The following PDSS1 variants were observed in gnomAD, a reference collection of about 807,000 sequenced individuals.
The protein encoded by PDSS1 is all trans-polyprenyl-diphosphate synthase PDSS1.
PDSS1 carries 43 observed loss-of-function variants against 57.5 expected under a neutral mutation model. The ratio of observed to expected loss-of-function variants is 0.75; its 90% CI spans 0.59 to 0.96. The LOEUF is 0.96. Ranked by LOEUF, PDSS1 falls within the 50% of genes least tolerant of loss-of-function variation. The pLI is 0.00. For missense variants in PDSS1, 438 were observed against 527.8 expected, an observed-to-expected ratio of 0.83 and a Z score of 1.67; for synonymous variants, 175 against 191.3, an observed-to-expected ratio of 0.91 and a Z score of 0.70.
intron 5 of PDSS1, chr10:26,717,924 C>T (rs1055390019): frequency 5.3e-5 from 8 of 152,042 alleles, no homozygotes; most frequent in African/African-American, 1.9e-4. Flanking sequence ...AGTAAATTTA[C>T]CTGAAAAATA....
intron 8 of PDSS1, among the ~76,000 whole-genome samples, chr10:26,734,140 C>T (rs1836308192): frequency 6.6e-6 from 1 of 152,218 alleles, no homozygotes; most frequent in Non-Finnish European, 1.5e-5. Context: ...CAGTAACATG[C>T]CGAGGTCTTG....
intron 8 of PDSS1, among the ~76,000 whole-genome samples, chr10:26,726,882 C>T (rs1835967099): frequency 6.6e-6 from 1 of 151,950 alleles, no homozygotes; most frequent in Non-Finnish European, 1.5e-5. Flanking sequence ...GCCAACATGG[C>T]AAAACCCCGT....
intron 6 of PDSS1, among the ~76,000 whole-genome samples, chr10:26,721,684 G>C (rs1294163220): frequency 6.6e-6 from 1 of 152,210 alleles, no homozygotes; most frequent in Non-Finnish European, 1.5e-5. Flanking sequence ...CCTGCCGTCA[G>C]CTGTATCTGT....
chr10:26,716,228 C>A (rs1033245269), intron 5 of PDSS1, among the ~76,000 whole-genome samples: 1 of 152,114 alleles, frequency 6.6e-6, no homozygotes, highest in Non-Finnish European at 1.5e-5. Flanking sequence ...TGATACAGAT[C>A]CCTCCCTACA....
intron 11 of PDSS1, among the ~76,000 whole-genome samples, 160 bp from the exon 12 acceptor site, chr10:26,746,173 A>G (rs1037806925): frequency 1.4e-4 from 21 of 152,356 alleles, no homozygotes; most frequent in Non-Finnish European, 2.9e-4. Flanking sequence ...AGTTAGCACT[A>G]TGAGTCGGGA....
intron 11 of PDSS1, among the ~76,000 whole-genome samples, chr10:26,745,782 G>A (rs1016361459): frequency 6.6e-6 from 1 of 152,014 alleles, no homozygotes; most frequent in Non-Finnish European, 1.5e-5. Flanking sequence ...GGGAGGTGAA[G>A]GTTGCAGTGA....
chr10:26,732,928 C>T (rs1389165454), intron 8 of PDSS1, among the ~76,000 whole-genome samples: 3 of 152,010 alleles, frequency 2.0e-5, no homozygotes, highest in African/African-American at 7.2e-5. Flanking sequence ...CGAGACCAGC[C>T]TGAAACCCCG....
chr10:26,732,359 G>A (rs1836238305), intron 8 of PDSS1, among the ~76,000 whole-genome samples: 2 of 152,180 alleles, frequency 1.3e-5, no homozygotes, highest in African/African-American at 2.4e-5. Flanking sequence ...ATGTCCCTTC[G>A]CCATGTGTCA....
intron 3 of PDSS1, 50 bp from the exon 4 acceptor site, chr10:26,705,236 A>G (rs887698419): frequency 5.2e-6 from 5 of 970,014 alleles, no homozygotes; most frequent in South Asian, 3.9e-5. Context: ...ATATATATGT[A>G]TATAAAACTT....
rs1454008955 is a variant in PDSS1, at chr10:26,739,724, G to A, written c.1027-2773G>A. 2.6e-5 allele frequency among the ~76,000 whole-genome samples: 4 copies of A among 152,318 alleles called. No individual in the cohort carries two copies. The East Asian group carries it at 7.7e-4, about 29-fold the overall frequency. On this transcript the variant is annotated intron_variant, in intron 10 of 11. Transcript: ENST00000376215. ...TGGTATTAAAAAACTAAAACAGGCTGTGTGTAGTGGCTCACGTCCATAATC... is the reference window on the plus strand; with the variant it reads ...TGGTATTAAAAAACTAAAACAGGCTATGTGTAGTGGCTCACGTCCATAATC...
chr10:26,734,810 G>A (rs189640242), intron 8 of PDSS1: 1 of 455,916 alleles, frequency 2.2e-6, no homozygotes, highest in Admixed American at 2.4e-5. Context: ...TGAAATGAGG[G>A]ATACATTGAT....
At chr10:26,734,007 G>C (rs1836304324) in intron 8 of PDSS1, among the ~76,000 whole-genome samples, 1 of 152,174 alleles carries the variant, frequency 6.6e-6, no homozygotes, top group African/African-American at 2.4e-5. Context: ...CACACATTGA[G>C]TTCTAACCAG....
intron 5 of PDSS1, among the ~76,000 whole-genome samples, chr10:26,719,488 C>T (rs551115426): frequency 5.3e-5 from 8 of 152,318 alleles, no homozygotes; most frequent in Admixed American, 4.6e-4. Flanking sequence ...GACATTACTA[C>T]GCGGGGTGCG....
At chr10:26,703,873 A>C (rs1049276946) in intron 2 of PDSS1, among the ~76,000 whole-genome samples, 3 of 151,592 alleles carry the variant, frequency 2.0e-5, no homozygotes, top group African/African-American at 4.9e-5. Flanking sequence ...TGAGGTCAGG[A>C]GATCGAGACC....
chr10:26,731,561 A>G (rs536584053), intron 8 of PDSS1, among the ~76,000 whole-genome samples: 16 of 152,240 alleles, frequency 1.1e-4, no homozygotes, highest in African/African-American at 3.1e-4. Flanking sequence ...GGGTAATTGC[A>G]CATGTGGTTT....
intron 8 of PDSS1, among the ~76,000 whole-genome samples, chr10:26,734,929 A>C (rs941320270): frequency 6.6e-6 from 1 of 152,224 alleles, no homozygotes; most frequent in Non-Finnish European, 1.5e-5. Context: ...TTTACTTAGC[A>C]TGTTACCAGC....
chr10:26,735,978 C>G (rs914647300), intron 10 of PDSS1, among the ~76,000 whole-genome samples: 2 of 152,080 alleles, frequency 1.3e-5, no homozygotes, highest in African/African-American at 4.8e-5. Context: ...CTCAGAGCCC[C>G]TTAAAAGGCA....
chr10:26,705,548 A>G (rs1835184682), intron 4 of PDSS1, among the ~76,000 whole-genome samples, 154 bp downstream of exon 4: 1 of 152,164 alleles, frequency 6.6e-6, no homozygotes, highest in Non-Finnish European at 1.5e-5. Flanking sequence ...ATCTAAGCTC[A>G]CTGCAACCCT....
rs1400623655 is a variant in PDSS1, at chr10:26,736,664, C to CGTT, written c.1026+1085_1026+1086insGTT. ...GAGGCTGACGTTCTGGGTGGCTGGA[C>CGTT]CAGGCTACTTTGGCAGCTTGCTAAG... is the stretch of plus-strand genomic sequence containing the variant. On this transcript the variant is annotated intron_variant, in intron 10 of 11. Coordinates refer to ENST00000376215, the MANE Select transcript of PDSS1 (RefSeq NM_014317.5). Among the ~76,000 whole-genome samples the CGTT allele has an allele frequency of 5.9e-5, 9 of 152,192 alleles. No individual in the cohort carries two copies. In the East Asian group the frequency reaches 1.7e-3, roughly 29 times the overall value.
Sources: gnomAD v4.1 joint callset for allele counts (sites outside exome capture counted in the v4.1 genomes callset) on GRCh38, gnomAD v4.1.1 for gene constraint, MANE v1.5 for transcripts, NCBI Gene and HGNC (gene_info 2026-07-23, HGNC 2026-07-21) for gene names.